The following PCNX1 variants were observed in gnomAD, a reference collection of about 807,000 sequenced individuals.
The protein encoded by PCNX1 is pecanex 1.
Under a neutral mutation model 242.2 loss-of-function variants are expected in PCNX1, and 78 were observed. That is an observed-to-expected ratio of 0.32 (90% CI 0.27 to 0.39). The LOEUF (loss-of-function observed/expected upper bound fraction) is 0.39. PCNX1 is among the 10% of genes least tolerant of loss of function. The pLI, the probability that PCNX1 is intolerant of heterozygous loss-of-function variation, is 1.00. For synonymous variants in PCNX1, 1,024 were observed against 1,032.9 expected, an observed-to-expected ratio of 0.99 and a Z score of 0.17; for missense variants, 2,581 against 2,856.5, an observed-to-expected ratio of 0.90 and a Z score of 2.20.
At chr14:71,049,683 T>C (rs945764913) in intron 22 of PCNX1, among the ~76,000 whole-genome samples, 1 of 152,188 alleles carries the variant, frequency 6.6e-6, no homozygotes, top group African/African-American at 2.4e-5. Context: ...TTTTCAGTCA[T>C]GGCAAAAATA....
In PCNX1 at chr14:71,112,010, A is replaced by G. The variant is rs191889747; in HGVS notation, c.*2075A>G. On this transcript the variant is annotated 3_prime_UTR_variant, in exon 36 of 36. Transcript: ENST00000304743. ...TTTTCTGAAACTGAATTTATAATCT[A>G]TTTCTCTGTATACGTATATTTTTAA... is the stretch of plus-strand genomic sequence containing the variant. 139 of 152,462 alleles carry G rather than the reference A, an allele frequency of 9.1e-4. No individual in the cohort carries two copies. Among genetic ancestry groups the G allele is most frequent in the Non-Finnish European group, 5.2e-4 (35 of 67,884 alleles). 9.4% of individuals were successfully genotyped at this position (152,462 alleles called of 1,614,324 possible). A position where few individuals can be genotyped will look rare whatever the true frequency, so the allele number is the denominator to read the frequency against.
At chr14:71,046,719 T>C (rs888564433) in intron 20 of PCNX1, among the ~76,000 whole-genome samples, 1 of 152,136 alleles carries the variant, frequency 6.6e-6, no homozygotes, top group African/African-American at 2.4e-5. Flanking sequence ...AGAAAAGTTA[T>C]GGTTAAAAAC....
chr14:71,103,573 C>A lies in PCNX1; in HGVS notation c.5999C>A (p.Thr2000Asn). 2 of 1,614,188 alleles carry A rather than the reference C, an allele frequency of 1.2e-6. No homozygotes were observed. The highest frequency in any genetic ancestry group is 1.7e-6 in the Non-Finnish European group (2 of 1,180,016). Residue 2000 changes from threonine to asparagine, a missense_variant, in exon 32 of 36, where the codon ACT becomes AAT. Physicochemically the swap from Thr to Asn is moderately conservative, Grantham distance 65. Coordinates refer to ENST00000304743, the MANE Select transcript of PCNX1 (RefSeq NM_014982.3). ...CCAATCTTTGTCTCACCCCTGACAA[C>A]TTCTTACTCTGACAGCCACGAACAG... The part of the protein sequence containing the change: ...GYPIFVSPLT[T>N]SYSDSHEQLK...
rs542326323 is a variant in PCNX1, at chr14:70,971,290, G to A, written c.604+2180G>A. Among the ~76,000 whole-genome samples, 507 of 53,360 alleles carry A rather than the reference G, an allele frequency of 9.5e-3. 194 individuals are homozygous for A. Among genetic ancestry groups the A allele is most frequent in the Middle Eastern group, 0.018 (3 of 166 alleles). The allele number at this position is 53,360 out of a possible 152,430, so 35.0% of individuals were successfully genotyped here. ...CTCCCGAGTAGCTGGGACTACAGGC[G>A]CCCGCCACCGCGCCCGGCTAATTTT... On this transcript the variant is annotated intron_variant, in intron 5 of 35. Coordinates refer to ENST00000304743, the MANE Select transcript of PCNX1 (RefSeq NM_014982.3).
At position 71,051,859 on chromosome 14, in the gene PCNX1, T is replaced by C. The variant is rs377225431; in HGVS notation, c.4448-24T>C. The stretch of plus-strand genomic sequence containing the variant: ...GCATCTGTGCTCAGATGAATGTCAG[T>C]GTCCTTAACTAGTTTTCCCATAGAT... On this transcript the variant is annotated intron_variant, in intron 23 of 35. Coordinates refer to ENST00000304743, the MANE Select transcript of PCNX1 (RefSeq NM_014982.3). The C allele has an allele frequency of 6.0e-5, 96 of 1,607,248 alleles. No individual in the cohort carries two copies. The African/African-American group carries it at 1.2e-3, about 20-fold the overall frequency.
In PCNX1 at chr14:70,937,870, C is replaced by T. The variant is rs559770839; in HGVS notation, c.154-9045C>T. 5.9e-5 allele frequency among the ~76,000 whole-genome samples: 9 copies of T among 152,138 alleles called. 1 individual carries two copies. In the South Asian group the frequency reaches 1.9e-3, roughly 32 times the overall value. ...TTCACATCCCTTGTAAGTTGGATTC[C>T]AAGGTATTTTATTCTCTTTGAAGCA... On this transcript the variant is annotated intron_variant, in intron 1 of 35. Transcript: ENST00000304743.
chr14:71,108,747 C>T lies in PCNX1; in HGVS notation c.6445C>T (p.Arg2149Trp), dbSNP rs760195815. The T allele has an allele frequency of 6.2e-6, 10 of 1,614,218 alleles. No individual in the cohort carries two copies. The highest frequency in any genetic ancestry group is 3.3e-5 in the Admixed American group (2 of 60,034). The change falls in exon 34 of 36, where the codon CGG becomes TGG. Residue 2149 changes from arginine to tryptophan, a missense_variant. By Grantham distance (101) the Arg-to-Trp change is moderately radical. Around this residue, in one of 9 missense-constraint regions of PCNX1, gnomAD observed 432 missense variants for 433.6 expected, o/e 1.00. Transcript: ENST00000304743. ...RMSTTGFVPC[R>W]RSSTSQISLR... ...GTCCACCACTGGGTTTGTGCCTTGT[C>T]GGCGCTCTTCTACTAGTCAGATATC...
chr14:70,932,039 A>T (rs1186285792), intron 1 of PCNX1, among the ~76,000 whole-genome samples: 1 of 152,240 alleles, frequency 6.6e-6, no homozygotes, highest in Non-Finnish European at 1.5e-5. Flanking sequence ...AGGCAGGAGA[A>T]TCGCTTGAAC....
chr14:71,030,341 C>CT (rs567179522), intron 16 of PCNX1, among the ~76,000 whole-genome samples: 17 of 151,208 alleles, frequency 1.1e-4, no homozygotes, highest in African/African-American at 1.9e-4. Flanking sequence ...TCCTTTCTTT[C>CT]TTTTTTTTTA....
chr14:70,988,236 A>G (rs763595401), intron 6 of PCNX1, among the ~76,000 whole-genome samples: 16 of 152,236 alleles, frequency 1.1e-4, no homozygotes, highest in Non-Finnish European at 1.9e-4. Flanking sequence ...GGGGTAATAG[A>G]GGAATATGGG....
chr14:71,040,694 T>C (rs2060678505), intron 19 of PCNX1, among the ~76,000 whole-genome samples: 1 of 152,174 alleles, frequency 6.6e-6, no homozygotes, highest in Admixed American at 6.5e-5. Flanking sequence ...GATACAGTTA[T>C]ACTCTTAGTT....
At chr14:71,051,109 A>C (rs1421505083) in intron 23 of PCNX1, among the ~76,000 whole-genome samples, 1 of 136,054 alleles carries the variant, frequency 7.4e-6, no homozygotes, top group East Asian at 2.5e-4. Context: ...TAGAGGTTGC[A>C]GTGAGCCGAG....
Position 71,045,136 on chromosome 14 carries a change from G to C in PCNX1, c.3871G>C (p.Ala1291Pro). Residue 1291 changes from alanine (A) to proline (P), a missense_variant, in exon 20 of 36, where the codon GCC (alanine) becomes CCC (proline). By Grantham distance (27) the Ala-to-Pro change is conservative (BLOSUM62 -1). Around this residue, in one of 9 missense-constraint regions of PCNX1, gnomAD observed 432 missense variants for 443.1 expected, o/e 0.97. Coordinates refer to ENST00000304743, the MANE Select transcript of PCNX1 (RefSeq NM_014982.3). ...TCACTTCTATTATTTTTTTTAGCCT[G>C]CCCTCAAGTATGTGTTGTATACATT... ...VSTVFTVLQP[A>P]LKYVLYTLVG... is the part of the protein sequence containing the mutation. 3 of 1,579,978 alleles carry C rather than the reference G, an allele frequency of 1.9e-6. No homozygotes were observed. The highest frequency in any genetic ancestry group is 1.7e-6 in the Non-Finnish European group (2 of 1,167,296).
Position 71,076,181 on chromosome 14 carries a change from C to A in PCNX1, c.5107-8C>A. On this transcript the variant is annotated splice_region_variant and splice_polypyrimidine_tract_variant and intron_variant, in intron 27 of 35. Transcript: ENST00000304743. ...TGAATTCTTTTTTTTTTGTCTTGTT[C>A]ATGTTAGGGTATCATTTATTATGTT... 2.7e-6 allele frequency: 4 copies of A among 1,467,796 alleles called. No homozygotes were observed. Among genetic ancestry groups the A allele is most frequent in the South Asian group, 2.4e-5 (2 of 82,194 alleles). The allele number at this position is 1,467,796 out of a possible 1,614,324, so 90.9% of individuals were successfully genotyped here. A position where few individuals can be genotyped will look rare whatever the true frequency, so the allele number is the denominator to read the frequency against.
chr14:70,952,392 C>T lies in PCNX1; in HGVS notation c.362+5269C>T, dbSNP rs189557764. On this transcript the variant is annotated intron_variant, in intron 2 of 35. Coordinates refer to ENST00000304743, the MANE Select transcript of PCNX1 (RefSeq NM_014982.3). ...TAAAAATACCATATAAGCTTCATGA[C>T]ATTCCTCTCCCATTTCATTCCACTT... Among the ~76,000 whole-genome samples, 14 of 152,282 alleles carry T rather than the reference C, an allele frequency of 9.2e-5. No individual in the cohort carries two copies. The East Asian group carries it at 2.7e-3, about 29-fold the overall frequency.
intron 27 of PCNX1, among the ~76,000 whole-genome samples, chr14:71,075,668 G>T (rs147187193): frequency 6.6e-6 from 1 of 152,052 alleles, no homozygotes; most frequent in African/African-American, 2.4e-5. Flanking sequence ...AGGCCGAGGC[G>T]GATGGACCAC....
chr14:70,909,638 CTT>C (rs527293541), intron 1 of PCNX1, among the ~76,000 whole-genome samples: 7 of 152,258 alleles, frequency 4.6e-5, no homozygotes, highest in South Asian at 2.1e-4. Context: ...GGTTAAGTCT[CTT>C]TGTGTAGTTA....
intron 5 of PCNX1, among the ~76,000 whole-genome samples, chr14:70,973,737 A>G (rs2058608869): frequency 6.6e-6 from 1 of 152,150 alleles, no homozygotes; most frequent in South Asian, 2.1e-4. Context: ...GAAAGAAGGT[A>G]TGATTTTTGT....
intron 3 of PCNX1, among the ~76,000 whole-genome samples, chr14:70,963,504 G>A (rs946760508): frequency 6.6e-6 from 1 of 152,108 alleles, no homozygotes; most frequent in South Asian, 2.1e-4. Flanking sequence ...CTGTCCTGTA[G>A]TATTCTACTC....
Sources: gnomAD v4.1 joint callset for allele counts (sites outside exome capture counted in the v4.1 genomes callset) on GRCh38, gnomAD v4.1.1 for gene constraint, gnomAD v4.1.1 regional missense constraint, MANE v1.5 for transcripts, NCBI Gene and HGNC (gene_info 2026-07-23, HGNC 2026-07-21) for gene names.